Variants in SDK1 observed in about 807,000 individuals in gnomAD.
SDK1 encodes the protein protein sidekick-1.
SDK1 carries 157 observed loss-of-function variants against 245.5 expected under a neutral mutation model. The observed-to-expected ratio is 0.64, with a 90% CI of 0.56 to 0.73. The LOEUF (loss-of-function observed/expected upper bound fraction) is 0.73. SDK1 is among the 30% of genes least tolerant of loss of function. The probability of loss-of-function intolerance (pLI) is 0.00; values close to 1 mark genes in which losing one functional copy is unlikely to be tolerated. For synonymous variants in SDK1, 1,647 were observed against 1,278.5 expected (o/e 1.29, Z -6.15); for missense variants, 3,583 against 3,002.3 (o/e 1.19, Z -4.52).
At chr7:3,637,052 G>A (rs1782477639) in intron 2 of SDK1, among the ~76,000 whole-genome samples, 1 of 96,936 alleles carries the variant, frequency 1.0e-5, no homozygotes, top group East Asian at 2.0e-4. Context: ...TTTTCCTGAT[G>A]CAGAGAGAGA....
chr7:3,368,080 AG>A (rs1473924726), intron 1 of SDK1, among the ~76,000 whole-genome samples: 1 of 152,218 alleles, frequency 6.6e-6, no homozygotes, highest in Non-Finnish European at 1.5e-5. Flanking sequence ...TGCAATAAGG[AG>A]TTCTATCATA....
chr7:3,665,577 T>C (rs1399031574), intron 4 of SDK1, among the ~76,000 whole-genome samples: 1 of 152,198 alleles, frequency 6.6e-6, no homozygotes, highest in Admixed American at 6.5e-5. Flanking sequence ...GCCTGACTAG[T>C]TAATAAATAT....
intron 22 of SDK1, among the ~76,000 whole-genome samples, chr7:4,083,468 C>T (rs562323819): frequency 4.0e-5 from 6 of 151,498 alleles, no homozygotes; most frequent in South Asian, 2.1e-4. Context: ...TCCTCTACCC[C>T]GTTTGCCCTG....
At chr7:3,762,376 C>T (rs1246209026) in intron 4 of SDK1, among the ~76,000 whole-genome samples, 1 of 152,198 alleles carries the variant, frequency 6.6e-6, no homozygotes, top group African/African-American at 2.4e-5. Context: ...CGGCTCTGCG[C>T]CCTCATAGAT....
intron 1 of SDK1, among the ~76,000 whole-genome samples, chr7:3,418,355 T>C (rs1019019562): frequency 6.6e-6 from 1 of 152,052 alleles, no homozygotes; most frequent in Non-Finnish European, 1.5e-5. Flanking sequence ...CTATGACTCT[T>C]TTCTCAATGG....
At chr7:4,031,066 C>T (rs560798528) in intron 17 of SDK1, among the ~76,000 whole-genome samples, 3 of 152,310 alleles carry the variant, frequency 2.0e-5, no homozygotes, top group African/African-American at 7.2e-5. Flanking sequence ...TATACATACA[C>T]ATCTGCATCT....
At position 4,189,829 on chromosome 7, in the gene SDK1, G is replaced by A. The variant is rs149888997; in HGVS notation, c.5098+11243G>A. 2.9e-3 allele frequency among the ~76,000 whole-genome samples: 446 copies of A among 152,328 alleles called. 5 individuals carry two copies. The highest frequency in any genetic ancestry group is 0.01 in the African/African-American group (424 of 41,564). On this transcript the variant is annotated intron_variant, in intron 35 of 44. Coordinates refer to ENST00000404826, the MANE Select transcript of SDK1 (RefSeq NM_152744.4). ...ATAAAATCAGTTGGTGGCTTTAGGT[G>A]GTGTTTGGTTGTTCCTGGTGTACAT...
intron 35 of SDK1, among the ~76,000 whole-genome samples, chr7:4,200,053 C>T (rs982264506): frequency 2.0e-5 from 3 of 152,154 alleles, no homozygotes; most frequent in Non-Finnish European, 4.4e-5. Context: ...CGAGACTGTG[C>T]CATTGCACTT....
intron 1 of SDK1, among the ~76,000 whole-genome samples, chr7:3,583,974 T>A (rs552595242): frequency 6.6e-6 from 1 of 152,234 alleles, no homozygotes; most frequent in Admixed American, 6.5e-5. Context: ...AACCCCAGTT[T>A]GGGGTCAGAC....
chr7:3,776,980 C>A (rs957220667), intron 4 of SDK1, among the ~76,000 whole-genome samples: 1 of 152,154 alleles, frequency 6.6e-6, no homozygotes, highest in South Asian at 2.1e-4. Flanking sequence ...TTTCCACCCC[C>A]ACACACACTT....
intron 35 of SDK1, among the ~76,000 whole-genome samples, chr7:4,185,226 A>G (rs640201): frequency 0.22 from 34,200 of 152,092 alleles, 3,935 homozygotes; most frequent in Middle Eastern, 0.38. Context: ...AGGTGGCCAG[A>G]AATTTTTCTG....
At chr7:3,356,297 C>T (rs1362992025) in intron 1 of SDK1, among the ~76,000 whole-genome samples, 2 of 152,092 alleles carry the variant, frequency 1.3e-5, no homozygotes, top group Non-Finnish European at 2.9e-5. Context: ...GTGCATAAAG[C>T]AGATGTACAG....
intron 1 of SDK1, among the ~76,000 whole-genome samples, chr7:3,603,886 C>A (rs1313161831): frequency 2.6e-5 from 4 of 152,116 alleles, no homozygotes; most frequent in Admixed American, 2.6e-4. Flanking sequence ...AGAGTTTTAA[C>A]ATGAATGGTT....
intron 20 of SDK1, among the ~76,000 whole-genome samples, chr7:4,073,863 G>T (rs561799629): frequency 2.6e-5 from 4 of 152,144 alleles, no homozygotes; most frequent in African/African-American, 9.7e-5. Context: ...TTGCAAGATC[G>T]AGTGTGTGGT....
chr7:3,688,501 C>T (rs895011165), intron 4 of SDK1, among the ~76,000 whole-genome samples: 2 of 152,210 alleles, frequency 1.3e-5, no homozygotes, highest in Admixed American at 1.3e-4. Context: ...TTCATAAATG[C>T]TCTACAAATG....
chr7:3,620,437 G>A (rs1268234654), intron 2 of SDK1, among the ~76,000 whole-genome samples: 2 of 151,990 alleles, frequency 1.3e-5, no homozygotes, highest in African/African-American at 4.8e-5. Flanking sequence ...CAAGTAGCTG[G>A]TTCTACAGGC....
intron 22 of SDK1, among the ~76,000 whole-genome samples, chr7:4,085,046 G>T (rs1296311493): frequency 1.3e-5 from 2 of 152,166 alleles, no homozygotes; most frequent in Non-Finnish European, 2.9e-5. Flanking sequence ...TTACAGGTGT[G>T]AGCCCACTGC....
intron 1 of SDK1, among the ~76,000 whole-genome samples, chr7:3,531,617 T>G (rs1167382454): frequency 6.6e-6 from 1 of 152,202 alleles, no homozygotes; most frequent in Non-Finnish European, 1.5e-5. Context: ...TACAATGTAT[T>G]CATTATTTGC....
chr7:3,436,446 C>G (rs1359533711), intron 1 of SDK1, among the ~76,000 whole-genome samples: 2 of 152,056 alleles, frequency 1.3e-5, no homozygotes, highest in African/African-American at 4.8e-5. Context: ...TTAATTTTGT[C>G]ATGCTTGTCA....
Sources: gnomAD v4.1 joint callset for allele counts (sites outside exome capture counted in the v4.1 genomes callset) on GRCh38, gnomAD v4.1.1 for gene constraint, MANE v1.5 for transcripts, NCBI Gene and HGNC (gene_info 2026-07-23, HGNC 2026-07-21) for gene names.